ROBO2: variants seen among roughly 807,000 people sequenced by gnomAD.
The protein encoded by ROBO2 is roundabout homolog 2.
ROBO2 carries 53 observed loss-of-function variants against 160.8 expected under a neutral mutation model. The observed-to-expected ratio is 0.33, with a 90% CI of 0.26 to 0.41. The LOEUF is 0.41. Among genes scored for constraint, ROBO2 ranks in the 10% least tolerant of loss-of-function variants. The pLI, the probability that ROBO2 is intolerant of heterozygous loss-of-function variation, is 1.00. For missense variants in ROBO2, 1,577 were observed against 1,722.4 expected (o/e 0.92, Z 1.49); for synonymous variants, 664 against 611.7 (o/e 1.09, Z -1.26).
At chr3:76,528,260 A>T (rs1253705965) in intron 2 of ROBO2, among the ~76,000 whole-genome samples, 1 of 152,050 alleles carries the variant, frequency 6.6e-6, no homozygotes, top group Admixed American at 6.6e-5. Context: ...CTTTAATGGG[A>T]GCCCTGTGAC....
In ROBO2 at chr3:76,427,587, G is replaced by C. The variant is rs535898331; in HGVS notation, c.109+489985G>C. 4.6e-5 allele frequency among the ~76,000 whole-genome samples: 7 copies of C among 152,206 alleles called. No homozygotes were observed. In the South Asian group the frequency reaches 1.4e-3, roughly 32 times the overall value. ...ACAATTCCCAGTTGTGATGTCAAAA[G>C]AGCAATTCTATACATTACCAATTCA... On this transcript the variant is annotated intron_variant, in intron 2 of 26. Coordinates refer to the ROBO2 transcript ENST00000487694.
intron 2 of ROBO2, among the ~76,000 whole-genome samples, chr3:76,550,708 G>A (rs1560132894): frequency 2.0e-5 from 3 of 152,300 alleles, no homozygotes; most frequent in South Asian, 2.1e-4. Context: ...GCCTCTCCCC[G>A]CACCCAGTGC....
intron 1 of ROBO2, among the ~76,000 whole-genome samples, chr3:77,053,625 G>T (rs186534851): frequency 1.1e-4 from 16 of 152,242 alleles, no homozygotes; most frequent in Admixed American, 9.2e-4. Flanking sequence ...AAAGGGAAAT[G>T]ATAAAGAAAT....
chr3:77,239,267 A>G (rs1195410622), intron 2 of ROBO2, among the ~76,000 whole-genome samples: 1 of 152,098 alleles, frequency 6.6e-6, no homozygotes, highest in African/African-American at 2.4e-5. Context: ...GTGAAGCTGC[A>G]GACCTTTGCC....
chr3:76,237,444 G>T (rs899323767), intron 2 of ROBO2, among the ~76,000 whole-genome samples: 1 of 152,064 alleles, frequency 6.6e-6, no homozygotes, highest in Non-Finnish European at 1.5e-5. Context: ...TCCCTTTGAA[G>T]ATATATCTCA....
chr3:77,184,276 G>T (rs897354200), intron 2 of ROBO2, among the ~76,000 whole-genome samples: 8 of 151,944 alleles, frequency 5.3e-5, no homozygotes, highest in Admixed American at 1.3e-4. Context: ...AATCAAAAAT[G>T]CAAAACTAGA....
chr3:76,347,627 A>G (rs1039011511), intron 2 of ROBO2, among the ~76,000 whole-genome samples: 1 of 151,992 alleles, frequency 6.6e-6, no homozygotes, highest in Non-Finnish European at 1.5e-5. Context: ...TATACTTTTT[A>G]GAGTTGTGCT....
At chr3:76,104,197 T>C (rs2069823981) in intron 2 of ROBO2, among the ~76,000 whole-genome samples, 1 of 152,214 alleles carries the variant, frequency 6.6e-6, no homozygotes, top group Non-Finnish European at 1.5e-5. Context: ...TAATGAACAC[T>C]TAAATCTTTC....
intron 2 of ROBO2, among the ~76,000 whole-genome samples, chr3:77,399,601 T>A (rs181282652): frequency 1.3e-5 from 2 of 152,252 alleles, no homozygotes; most frequent in Admixed American, 1.3e-4. Flanking sequence ...CCATAACATG[T>A]GGTTAGACCA....
intron 2 of ROBO2, among the ~76,000 whole-genome samples, chr3:76,588,307 G>A (rs973230848): frequency 1.3e-5 from 2 of 152,152 alleles, no homozygotes; most frequent in African/African-American, 4.8e-5. Flanking sequence ...CCAGGATGAA[G>A]AGAAGAATCT....
At chr3:77,070,187 A>G (rs964371636) in intron 1 of ROBO2, among the ~76,000 whole-genome samples, 4 of 152,108 alleles carry the variant, frequency 2.6e-5, no homozygotes, top group Non-Finnish European at 5.9e-5. Flanking sequence ...GAAGGAACCA[A>G]CTCTGCCAAC....
At chr3:76,113,560 A>G (rs1367545956) in intron 2 of ROBO2, among the ~76,000 whole-genome samples, 2 of 152,108 alleles carry the variant, frequency 1.3e-5, no homozygotes, top group Non-Finnish European at 2.9e-5. Flanking sequence ...AAAGGAATTA[A>G]TATATTGAGT....
intron 2 of ROBO2, among the ~76,000 whole-genome samples, chr3:75,982,223 G>A (rs1047853241): frequency 4.0e-5 from 6 of 151,462 alleles, no homozygotes; most frequent in South Asian, 2.1e-4. Context: ...ACAGTGCTGC[G>A]ATAAACAAAG....
intron 2 of ROBO2, among the ~76,000 whole-genome samples, chr3:76,266,454 T>G (rs1707106992): frequency 6.6e-6 from 1 of 152,124 alleles, no homozygotes. Context: ...TATCTGCCCT[T>G]TCATAAAAAG....
intron 2 of ROBO2, among the ~76,000 whole-genome samples, chr3:76,396,164 C>T (rs2077435768): frequency 6.6e-6 from 1 of 151,968 alleles, no homozygotes; most frequent in African/African-American, 2.4e-5. Context: ...AAGGCTGGTT[C>T]AATATATGCA....
At chr3:76,069,189 TA>T (rs2068361735) in intron 2 of ROBO2, among the ~76,000 whole-genome samples, 1 of 152,230 alleles carries the variant, frequency 6.6e-6, no homozygotes, top group Non-Finnish European at 1.5e-5. Flanking sequence ...TCTTGAAATC[TA>T]ATAAGTAACT....
intron 2 of ROBO2, among the ~76,000 whole-genome samples, chr3:77,384,804 T>C (rs1303065122): frequency 2.0e-5 from 3 of 152,298 alleles, no homozygotes; most frequent in East Asian, 1.9e-4. Flanking sequence ...ATTTAAAATA[T>C]TGTGATATAG....
At chr3:76,380,181 T>A (rs73840927) in intron 2 of ROBO2, among the ~76,000 whole-genome samples, 3,164 of 152,252 alleles carry the variant, frequency 0.021, 96 homozygotes, top group African/African-American at 0.072. Flanking sequence ...GATATTTAAC[T>A]ATAAATCTAG....
intron 2 of ROBO2, among the ~76,000 whole-genome samples, chr3:76,538,580 T>G (rs561206665): frequency 6.6e-6 from 1 of 152,286 alleles, no homozygotes; most frequent in Admixed American, 6.5e-5. Context: ...AACCAATTGT[T>G]TTTTCTTTTT....
Sources: allele counts gnomAD v4.1 joint callset (sites outside exome capture counted in the v4.1 genomes callset), GRCh38; gene constraint gnomAD v4.1.1; transcripts MANE v1.5; gene names NCBI Gene and HGNC (gene_info 2026-07-23, HGNC 2026-07-21).